The following SBF2 variants were observed in gnomAD, a reference collection of about 807,000 sequenced individuals.
SBF2 encodes myotubularin-related protein 13.
In SBF2, 112 loss-of-function variants were observed where a neutral mutation model predicts 225.2. That is an observed-to-expected ratio of 0.50 (90% CI 0.43 to 0.58). SBF2 has a LOEUF of 0.58. Ranked by LOEUF, SBF2 falls within the 20% of genes least tolerant of loss-of-function variation. The pLI, the probability that SBF2 is intolerant of heterozygous loss-of-function variation, is 0.00. For synonymous variants in SBF2, 763 were observed against 773.3 expected, an observed-to-expected ratio of 0.99 and a Z score of 0.22; for missense variants, 1,996 against 2,206.2, an observed-to-expected ratio of 0.90 and a Z score of 1.91.
intron 17 of SBF2, among the ~76,000 whole-genome samples, chr11:9,861,498 T>C (rs893461871): frequency 6.6e-6 from 1 of 152,070 alleles, no homozygotes; most frequent in Non-Finnish European, 1.5e-5. Flanking sequence ...ACCCCGTCTC[T>C]ACTAAAAATA....
At chr11:9,912,613 T>C (rs7130681) in intron 16 of SBF2, among the ~76,000 whole-genome samples, 80,968 of 152,014 alleles carry the variant, frequency 0.53, 22,142 homozygotes, top group African/African-American at 0.63. Flanking sequence ...TTTAGCTCAT[T>C]GGCTATTTTT....
chr11:10,239,986 C>T (rs1959186033), intron 1 of SBF2, among the ~76,000 whole-genome samples: 1 of 152,074 alleles, frequency 6.6e-6, no homozygotes, highest in Non-Finnish European at 1.5e-5. Context: ...AACAAGAAGA[C>T]CCAATCAGCA....
In SBF2 at chr11:9,931,106, C is replaced by T. The variant is rs977543650; in HGVS notation, c.1860+30851G>A. Among the ~76,000 whole-genome samples the T allele has an allele frequency of 4.6e-5, 7 of 152,386 alleles. No homozygotes were observed. In the East Asian group the frequency reaches 1.2e-3, roughly 25 times the overall value. ...AGGTAAACAAAGAAACCAGGAAGCTCGAACTGGGCGGAGCCCACTGCAGCT... is the reference window on the plus strand; with the variant it reads ...AGGTAAACAAAGAAACCAGGAAGCTTGAACTGGGCGGAGCCCACTGCAGCT... On this transcript the variant is annotated intron_variant, in intron 16 of 39. Coordinates refer to ENST00000256190, the MANE Select transcript of SBF2 (RefSeq NM_030962.4).
rs76788147 is a variant in SBF2, at chr11:9,823,429, G to A, written c.3793+5927C>T. On this transcript the variant is annotated intron_variant, in intron 28 of 39. Coordinates refer to ENST00000256190, the MANE Select transcript of SBF2 (RefSeq NM_030962.4). ...CTTGGAACTAAGACTGTACGACAAT[G>A]AAAAGAATGAAAAAAATTGTGAAAA... Among the ~76,000 whole-genome samples, 1,247 of 147,414 alleles carry A rather than the reference G, an allele frequency of 8.5e-3. 17 individuals are homozygous for A. The highest frequency in any genetic ancestry group is 0.03 in the African/African-American group (1,179 of 39,898).
intron 2 of SBF2, among the ~76,000 whole-genome samples, chr11:10,193,433 C>A (rs887395616): frequency 6.8e-6 from 1 of 147,950 alleles, no homozygotes; most frequent in South Asian, 2.1e-4. Context: ...TGGCTCACTG[C>A]AAGCTCCGCC....
chr11:10,277,252 T>TAAACAAACAAACAAACAAAC (rs61700623), intron 1 of SBF2, among the ~76,000 whole-genome samples: 2 of 151,526 alleles, frequency 1.3e-5, no homozygotes, highest in African/African-American at 2.4e-5. Context: ...ACTCTGTCTC[T>TAAACAAACAAACAAACAAAC]AAACAAACAA....
chr11:9,803,913 C>A (rs1853636896), intron 32 of SBF2, among the ~76,000 whole-genome samples: 2 of 151,996 alleles, frequency 1.3e-5, no homozygotes, highest in African/African-American at 4.8e-5. Flanking sequence ...GGATTCCTGC[C>A]AGGAGGAAAA....
intron 17 of SBF2, among the ~76,000 whole-genome samples, chr11:9,880,828 C>T (rs1478196201): frequency 6.6e-6 from 1 of 152,170 alleles, no homozygotes; most frequent in Non-Finnish European, 1.5e-5. Flanking sequence ...TGCAGCTATC[C>T]TAGAAGGGGG....
At position 10,042,884 on chromosome 11, in the gene SBF2, C is replaced by A. The variant is rs202146994; in HGVS notation, c.239G>T (p.Cys80Phe). 1 of 1,613,952 alleles carries A rather than the reference C, an allele frequency of 6.2e-7. No individual in the cohort carries two copies. The highest frequency in any genetic ancestry group is 1.6e-4 in the Middle Eastern group (1 of 6,062). ...LTDIDSDRHY[C>F]SCLTFYEAEI... is the part of the protein sequence containing the mutation. Reference sequence around the variant, plus strand: ...TGCCTCATAGAAGGTTAGGCATGAGCAGTAATGTCGATCTGAGTCAATGTC... The same window carrying A: ...TGCCTCATAGAAGGTTAGGCATGAGAAGTAATGTCGATCTGAGTCAATGTC... Residue 80 changes from cysteine (C) to phenylalanine (F), a missense_variant, in exon 3 of 40, where the codon TGC becomes TTC. Cys to Phe is a radical substitution (Grantham distance 205). Transcript: ENST00000256190.
intron 1 of SBF2, among the ~76,000 whole-genome samples, chr11:10,255,860 T>C (rs1341499825): frequency 1.3e-5 from 2 of 152,196 alleles, no homozygotes; most frequent in East Asian, 3.8e-4. Context: ...TTTACCCCAT[T>C]ACTGAGGAAA....
At chr11:9,920,339 G>A (rs1474276617) in intron 16 of SBF2, among the ~76,000 whole-genome samples, 1 of 152,138 alleles carries the variant, frequency 6.6e-6, no homozygotes, top group Non-Finnish European at 1.5e-5. Context: ...AGCTTTGGCA[G>A]GGAGATAGGG....
intron 18 of SBF2, 84 bp downstream of exon 18, chr11:9,858,142 G>GC: frequency 2.0e-6 from 3 of 1,507,112 alleles, no homozygotes; most frequent in Non-Finnish European, 2.8e-6. Context: ...AGTAGCTAGA[G>GC]TTTTTTTTGC....
intron 1 of SBF2, among the ~76,000 whole-genome samples, chr11:10,292,360 T>C (rs1360938829): frequency 6.6e-6 from 1 of 152,208 alleles, no homozygotes; most frequent in Non-Finnish European, 1.5e-5. Context: ...GTACCATTCT[T>C]GCAACTTTTT....
intron 21 of SBF2, 55 bp downstream of exon 21, chr11:9,852,621 T>G: frequency 8.0e-7 from 1 of 1,247,346 alleles, no homozygotes; most frequent in Non-Finnish European, 1.2e-6. Context: ...CAGCAGTCTA[T>G]TGTTTGTTTT....
chr11:10,035,871 G>T (rs1235613604), intron 3 of SBF2, among the ~76,000 whole-genome samples: 3 of 152,134 alleles, frequency 2.0e-5, no homozygotes, highest in Non-Finnish European at 2.9e-5. Flanking sequence ...TGAGGATCTA[G>T]AACTAGAAAT....
At chr11:9,803,098 C>G (rs1194188489) in intron 32 of SBF2, among the ~76,000 whole-genome samples, 1 of 152,006 alleles carries the variant, frequency 6.6e-6, no homozygotes, top group African/African-American at 2.4e-5. Context: ...AACAATATTA[C>G]TTTTTACAGT....
At chr11:10,208,163 C>T (rs777244404) in intron 1 of SBF2, among the ~76,000 whole-genome samples, 61 of 151,786 alleles carry the variant, frequency 4.0e-4, no homozygotes, top group Non-Finnish European at 1.2e-4. Flanking sequence ...TGGTCTCCCA[C>T]CTGTAAAGTG....
rs372612163 is a variant in SBF2, at chr11:9,878,964, C to T, written c.1929+16979G>A. On this transcript the variant is annotated intron_variant, in intron 17 of 39. Transcript: ENST00000256190. ...TACGTCTCTCTTATCATGTAAAAATCTATCAGTGACAAAGAGGAACAACTG... is the reference window on the plus strand; with the variant it reads ...TACGTCTCTCTTATCATGTAAAAATTTATCAGTGACAAAGAGGAACAACTG... Among the ~76,000 whole-genome samples, 9 of 152,294 alleles carry T rather than the reference C, an allele frequency of 5.9e-5. No individual in the cohort carries two copies. In the East Asian group the frequency reaches 1.2e-3, roughly 20 times the overall value.
chr11:9,981,734 C>A (rs1046558546), intron 13 of SBF2, among the ~76,000 whole-genome samples: 5 of 152,032 alleles, frequency 3.3e-5, no homozygotes, highest in African/African-American at 1.2e-4. Context: ...ATTTGCTATA[C>A]AGATAAAGTA....
Sources: allele counts gnomAD v4.1 joint callset (sites outside exome capture counted in the v4.1 genomes callset), GRCh38; gene constraint gnomAD v4.1.1; transcripts MANE v1.5; gene names NCBI Gene and HGNC (gene_info 2026-07-23, HGNC 2026-07-21).